SH3RF2: variants seen among roughly 807,000 people sequenced by gnomAD.
The protein encoded by SH3RF2 is SH3 domain containing ring finger 2.
Under a neutral mutation model 59.0 loss-of-function variants are expected in SH3RF2, and 43 were observed. That is an observed-to-expected ratio of 0.73 (90% CI 0.57 to 0.94). SH3RF2 has a LOEUF of 0.94. SH3RF2 is among the 40% of genes least tolerant of loss of function. The pLI, the probability that SH3RF2 is intolerant of heterozygous loss-of-function variation, is 0.00. For synonymous variants in SH3RF2, 391 were observed against 391.5 expected (o/e 1.00, Z 0.01); for missense variants, 930 against 940.1 (o/e 0.99, Z 0.14).
At chr5:146,004,177 C>T in intron 4 of SH3RF2, 24 bp downstream of exon 4, 1 of 1,568,084 alleles carries the variant, frequency 6.4e-7, no homozygotes, top group Non-Finnish European at 8.8e-7. Context: ...AAGTCTACAT[C>T]TGATTTACGC....
intron 2 of SH3RF2, among the ~76,000 whole-genome samples, chr5:145,971,198 A>C (rs1334209257): frequency 6.6e-6 from 1 of 152,220 alleles, no homozygotes; most frequent in Non-Finnish European, 1.5e-5. Context: ...GATGTCTGTT[A>C]TATTTAAAAC....
At chr5:145,997,509 T>C in intron 2 of SH3RF2, 1 of 1,600,860 alleles carries the variant, frequency 6.2e-7, no homozygotes, top group Non-Finnish European at 8.6e-7. Flanking sequence ...TGCTTATGTC[T>C]ATCTGAAGAA....
chr5:146,080,531 G>A (rs1374303972), exon 10 of SH3RF2: 2 of 152,120 alleles, frequency 1.3e-5, no homozygotes, highest in Non-Finnish European at 2.9e-5. Flanking sequence ...TGATTGCTTA[G>A]GGCAGTGGAC....
intron 2 of SH3RF2, among the ~76,000 whole-genome samples, chr5:145,948,820 C>A (rs1441525289): frequency 3.9e-5 from 6 of 152,222 alleles, no homozygotes; most frequent in African/African-American, 1.4e-4. Flanking sequence ...CCAGCCTCCA[C>A]AGCATGTAAC....
intron 5 of SH3RF2, among the ~76,000 whole-genome samples, chr5:146,015,696 G>GGAGGC (rs1249595485): frequency 6.6e-5 from 10 of 152,174 alleles, no homozygotes; most frequent in Non-Finnish European, 1.3e-4. Context: ...TGTCATCTAC[G>GGAGGC]GAGGCTGGAC....
intron 2 of SH3RF2, among the ~76,000 whole-genome samples, chr5:145,964,162 CTTT>C (rs977142844): frequency 6.6e-6 from 1 of 151,524 alleles, no homozygotes; most frequent in South Asian, 2.1e-4. Context: ...TCCTTCTTTT[CTTT>C]TTTTCTTTCT....
At chr5:145,972,038 T>A (rs1759104430) in intron 2 of SH3RF2, among the ~76,000 whole-genome samples, 1 of 152,098 alleles carries the variant, frequency 6.6e-6, no homozygotes, top group Non-Finnish European at 1.5e-5. Flanking sequence ...TGGGCCAAGG[T>A]CAGCAGCTTT....
chr5:146,009,175 G>A (rs569832848), intron 4 of SH3RF2, among the ~76,000 whole-genome samples: 6 of 152,324 alleles, frequency 3.9e-5, no homozygotes, highest in African/African-American at 1.4e-4. Context: ...CAGATGCTAA[G>A]TATGTGTTTA....
At chr5:145,997,258 C>T in intron 2 of SH3RF2, 2 of 941,674 alleles carry the variant, frequency 2.1e-6, no homozygotes, top group South Asian at 1.3e-5. Context: ...CTGATACATG[C>T]ATCTGTAAAT....
intron 2 of SH3RF2, among the ~76,000 whole-genome samples, chr5:145,954,155 C>T (rs1758303208): frequency 6.6e-6 from 1 of 152,180 alleles, no homozygotes. Context: ...AATGGTTGAA[C>T]TCATTTACAC....
chr5:146,064,063 T>C (rs1044996646), downstream of SH3RF2, among the ~76,000 whole-genome samples: 1 of 151,580 alleles, frequency 6.6e-6, no homozygotes, highest in Non-Finnish European at 1.5e-5. Flanking sequence ...GAGGCTGGGG[T>C]GGGAGTGCTT....
At chr5:146,021,602 G>A (rs1315658794) in intron 5 of SH3RF2, among the ~76,000 whole-genome samples, 2 of 152,140 alleles carry the variant, frequency 1.3e-5, no homozygotes, top group Non-Finnish European at 2.9e-5. Flanking sequence ...TGTACCCACT[G>A]GGTAAATATA....
intron 2 of SH3RF2, among the ~76,000 whole-genome samples, chr5:145,991,123 T>G (rs1422147142): frequency 2.0e-5 from 3 of 152,166 alleles, no homozygotes; most frequent in African/African-American, 7.2e-5. Context: ...TGGAAAAACA[T>G]GCTAGGTGAC....
intron 2 of SH3RF2, among the ~76,000 whole-genome samples, chr5:145,967,878 T>C (rs963308981): frequency 6.6e-6 from 1 of 152,178 alleles, no homozygotes; most frequent in Non-Finnish European, 1.5e-5. Flanking sequence ...CAGGCTGGTC[T>C]CAAACTCCTG....
chr5:146,062,460 C>T lies in SH3RF2; in HGVS notation c.1949C>T (p.Pro650Leu). 6.2e-7 allele frequency: 1 copy of T among 1,614,146 alleles called. No homozygotes were observed. The highest frequency in any genetic ancestry group is 1.3e-5 in the African/African-American group (1 of 75,046). The change falls in exon 10 of 10, where the codon CCT becomes CTT. Residue 650 changes from proline to leucine, a missense_variant. By Grantham distance (98) the Pro-to-Leu change is moderately conservative. Coordinates refer to ENST00000359120, the MANE Select transcript of SH3RF2 (RefSeq NM_152550.4). Reference sequence around the variant, plus strand: ...ACCGTGAGATTTCAGAATTACAGCCCTCCTCCCACCAAACATTACACCTCC... The same window carrying T: ...ACCGTGAGATTTCAGAATTACAGCCTTCCTCCCACCAAACATTACACCTCC... ...VKTVRFQNYS[P>L]PPTKHYTSHP...
At chr5:146,067,875 C>A (rs766539646), downstream of SH3RF2, among the ~76,000 whole-genome samples, 6 of 152,198 alleles carry the variant, frequency 3.9e-5, no homozygotes, top group Non-Finnish European at 8.8e-5. Context: ...AGACCTCCAG[C>A]AATAAAGCCC....
chr5:146,068,030 C>T (rs2962534), downstream of SH3RF2, among the ~76,000 whole-genome samples: 145,050 of 152,316 alleles, frequency 0.95, 69,538 homozygotes, highest in East Asian at 1. Context: ...CCAGCCCGCT[C>T]CTGACCACTG....
intron 4 of SH3RF2, among the ~76,000 whole-genome samples, chr5:146,007,789 G>A (rs961479506): frequency 1.3e-5 from 2 of 152,148 alleles, no homozygotes; most frequent in South Asian, 4.2e-4. Context: ...ATTGCTCAGA[G>A]GGGAAAAAGA....
At chr5:146,056,234 A>G (rs748433763) in intron 8 of SH3RF2, 21 bp downstream of exon 8, 1 of 1,613,978 alleles carries the variant, frequency 6.2e-7, no homozygotes, top group Non-Finnish European at 8.5e-7. Context: ...GCAGAGAGGT[A>G]CGTGCCTAGA....
Sources: gnomAD v4.1 joint callset for allele counts (sites outside exome capture counted in the v4.1 genomes callset) on GRCh38, gnomAD v4.1.1 for gene constraint, MANE v1.5 for transcripts, NCBI Gene and HGNC (gene_info 2026-07-23, HGNC 2026-07-21) for gene names.